The following PALM2AKAP2 variants were observed in gnomAD, a reference collection of about 807,000 sequenced individuals.
PALM2AKAP2 encodes the protein PALM2-AKAP2 fusion protein.
Under a neutral mutation model 71.5 loss-of-function variants are expected in PALM2AKAP2, and 37 were observed. The observed-to-expected ratio is 0.52, with a 90% confidence interval of 0.40 to 0.68. PALM2AKAP2 has a LOEUF of 0.68. Among genes scored for constraint, PALM2AKAP2 ranks in the 30% least tolerant of loss-of-function variants. PALM2AKAP2 has a pLI of 0.00. For missense variants in PALM2AKAP2, 1,224 were observed against 1,191.8 expected (o/e 1.03, Z -0.40); for synonymous variants, 468 against 478.8 (o/e 0.98, Z 0.29).
intron 1 of PALM2AKAP2, among the ~76,000 whole-genome samples, chr9:109,763,081 T>C (rs1208033461): frequency 6.6e-6 from 1 of 151,920 alleles, no homozygotes; most frequent in Non-Finnish European, 1.5e-5. Context: ...TTCAAGGATA[T>C]AAGTGGAGAG....
chr9:109,929,317 T>G (rs1393145004), intron 5 of PALM2AKAP2, among the ~76,000 whole-genome samples: 1 of 152,108 alleles, frequency 6.6e-6, no homozygotes, highest in Non-Finnish European at 1.5e-5. Context: ...ATTCCACAGA[T>G]TTCTGGAAAT....
rs114405952 is a variant in PALM2AKAP2 at position 109,858,748 on chromosome 9, C to T, written c.46-8743C>T. Among the ~76,000 whole-genome samples, 803 of 152,262 alleles carry T rather than the reference C, an allele frequency of 5.3e-3. 7 individuals carry two copies. Among genetic ancestry groups the T allele is most frequent in the African/African-American group, 0.018 (761 of 41,562 alleles). ...TGCTGGATTTTTCCACCACAAGGGG[C>T]TTATCAATGTGGTGTCATAAAGCGG... is the stretch of plus-strand genomic sequence containing the variant. On this transcript the variant is annotated intron_variant, in intron 1 of 9. Transcript: ENST00000302798.
intron 3 of PALM2AKAP2, among the ~76,000 whole-genome samples, chr9:109,881,569 A>G (rs1030604351): frequency 7.2e-5 from 11 of 152,184 alleles, no homozygotes; most frequent in African/African-American, 2.7e-4. Context: ...GTCTGCTTTC[A>G]CTGCTCAGAG....
chr9:109,735,169 AC>A (rs1300761064), intron 1 of PALM2AKAP2, among the ~76,000 whole-genome samples: 1 of 148,286 alleles, frequency 6.7e-6, no homozygotes, highest in East Asian at 2.0e-4. Flanking sequence ...CTCTGGCTAG[AC>A]CCTCAGGGCC....
chr9:110,073,372 A>C (rs1014927863), intron 1 of PALM2AKAP2, among the ~76,000 whole-genome samples: 1 of 152,218 alleles, frequency 6.6e-6, no homozygotes, highest in Non-Finnish European at 1.5e-5. Context: ...AGTGAGCCTC[A>C]TGACCTGAGC....
At chr9:110,155,415 A>G (rs1836423741) in intron 2 of PALM2AKAP2, among the ~76,000 whole-genome samples, 1 of 152,222 alleles carries the variant, frequency 6.6e-6, no homozygotes, top group South Asian at 2.1e-4. Flanking sequence ...CTCTGTGTCA[A>G]TAAACCCACC....
At chr9:109,852,926 G>T (rs942178104) in intron 1 of PALM2AKAP2, among the ~76,000 whole-genome samples, 2 of 152,122 alleles carry the variant, frequency 1.3e-5, no homozygotes, top group African/African-American at 4.8e-5. Context: ...CTGGATATTA[G>T]TCTTTTGTCA....
intron 6 of PALM2AKAP2, among the ~76,000 whole-genome samples, chr9:109,958,720 A>G (rs1831794922): frequency 1.3e-5 from 2 of 152,148 alleles, no homozygotes; most frequent in African/African-American, 4.8e-5. Context: ...GAAGGAAAAG[A>G]AAGAGAAAGA....
intron 1 of PALM2AKAP2, among the ~76,000 whole-genome samples, chr9:110,089,234 A>G (rs1834650679): frequency 6.6e-6 from 1 of 152,230 alleles, no homozygotes; most frequent in Admixed American, 6.5e-5. Context: ...TATGCATTTC[A>G]AAGAACTGCC....
At chr9:109,675,782 A>C (rs772348494) in intron 1 of PALM2AKAP2, among the ~76,000 whole-genome samples, 1 of 152,176 alleles carries the variant, frequency 6.6e-6, no homozygotes, top group Admixed American at 6.5e-5. Flanking sequence ...ACTGTCTCCA[A>C]TTATGCCTGG....
At chr9:109,865,119 G>A (rs1385418784) in intron 1 of PALM2AKAP2, among the ~76,000 whole-genome samples, 4 of 2,696 alleles carry the variant, frequency 1.5e-3, no homozygotes, top group Admixed American at 3.9e-3. Context: ...TTTTTTTTGA[G>A]ACAGAGTCTC....
intron 1 of PALM2AKAP2, among the ~76,000 whole-genome samples, chr9:109,818,705 T>C (rs1185893528): frequency 2.0e-5 from 3 of 152,210 alleles, no homozygotes; most frequent in Non-Finnish European, 4.4e-5. Context: ...AGGGTTTCTC[T>C]TGAGTAGTTG....
chr9:109,881,033 C>T (rs1230597972), intron 3 of PALM2AKAP2, among the ~76,000 whole-genome samples: 1 of 152,148 alleles, frequency 6.6e-6, no homozygotes, highest in Non-Finnish European at 1.5e-5. Context: ...TCTCTCCCTC[C>T]TCCCTCCCTT....
intron 4 of PALM2AKAP2, among the ~76,000 whole-genome samples, chr9:109,924,117 A>G (rs2900504): frequency 0.047 from 7,143 of 152,270 alleles, 369 homozygotes; most frequent in East Asian, 0.26. Flanking sequence ...GATCCCTGAT[A>G]TGCCTTGTGC....
At chr9:109,784,745 TG>T (rs1323527084) in intron 1 of PALM2AKAP2, among the ~76,000 whole-genome samples, 1 of 152,258 alleles carries the variant, frequency 6.6e-6, no homozygotes, top group Non-Finnish European at 1.5e-5. Context: ...TTGGAGCCTT[TG>T]CTTTGACTGC....
chr9:109,887,520 A>G (rs1587986204), intron 3 of PALM2AKAP2, among the ~76,000 whole-genome samples: 1 of 152,138 alleles, frequency 6.6e-6, no homozygotes, highest in African/African-American at 2.4e-5. Context: ...TATATTGTGT[A>G]ATATTTCCTG....
intron 6 of PALM2AKAP2, among the ~76,000 whole-genome samples, chr9:109,963,588 A>C (rs2132124580): frequency 6.6e-6 from 1 of 152,314 alleles, no homozygotes; most frequent in East Asian, 1.9e-4. Context: ...AAGCAAGCAC[A>C]GCCCCCATAC....
chr9:109,753,742 T>C (rs1828919055), intron 1 of PALM2AKAP2, among the ~76,000 whole-genome samples: 1 of 152,184 alleles, frequency 6.6e-6, no homozygotes, highest in Non-Finnish European at 1.5e-5. Context: ...TATCGTTTAC[T>C]AAATTATAAA....
intron 1 of PALM2AKAP2, among the ~76,000 whole-genome samples, chr9:109,737,665 T>C (rs1016216228): frequency 6.6e-6 from 1 of 152,220 alleles, no homozygotes; most frequent in Non-Finnish European, 1.5e-5. Context: ...ATAGTAACAG[T>C]AATTGACAGT....
Sources: allele counts gnomAD v4.1 joint callset (sites outside exome capture counted in the v4.1 genomes callset), GRCh38; gene constraint gnomAD v4.1.1; transcripts MANE v1.5; gene names NCBI Gene and HGNC (gene_info 2026-07-23, HGNC 2026-07-21).